Variants in VWA2 observed in about 807,000 individuals in gnomAD.
The protein encoded by VWA2 is von Willebrand factor A domain containing 2, also known as von Willebrand factor A domain-containing protein 2.
VWA2 carries 73 observed loss-of-function variants against 70.4 expected under a neutral mutation model. The observed-to-expected ratio is 1.04, with a 90% CI of 0.86 to 1.26. The LOEUF (loss-of-function observed/expected upper bound fraction) is 1.26. Ranked by LOEUF, VWA2 falls within the 50% of genes most tolerant of loss-of-function variation. The probability of loss-of-function intolerance (pLI) is 0.00; values close to 1 mark genes in which losing one functional copy is unlikely to be tolerated. For synonymous variants in VWA2, 407 were observed against 423.3 expected (o/e 0.96, Z 0.47); for missense variants, 1,011 against 998.5 (o/e 1.01, Z -0.17).
At chr10:114,246,272 G>A (rs146483898) in intron 1 of VWA2, 15 of 681,014 alleles carry the variant, frequency 2.2e-5, no homozygotes, top group Middle Eastern at 4.1e-4. Flanking sequence ...AGGCCGAGGC[G>A]GTCGTATCAC....
intron 6 of VWA2, among the ~76,000 whole-genome samples, chr10:114,273,382 C>A (rs901626109): frequency 6.6e-6 from 1 of 152,188 alleles, no homozygotes; most frequent in Non-Finnish European, 1.5e-5. Context: ...CAGCTCACGT[C>A]TTCAGAGCTC....
chr10:114,242,887 C>T (rs143260167), intron 1 of VWA2, among the ~76,000 whole-genome samples: 1 of 152,314 alleles, frequency 6.6e-6, no homozygotes, highest in African/African-American at 2.4e-5. Flanking sequence ...TACCCTGTCT[C>T]ACTGGATCTT....
In VWA2 at chr10:114,289,077, C is replaced by T. The variant is rs1257139346; in HGVS notation, c.1710C>T (p.Val570=). 17 of 1,614,190 alleles carry T rather than the reference C, an allele frequency of 1.1e-5. No homozygotes were observed. The highest frequency in any genetic ancestry group is 2.7e-5 in the African/African-American group (2 of 75,070). ...AGGTGAACCCTGACGTGACACAGGTCGGCCTGGTGGTGTATGGCAGCCAGG... is the reference window on the plus strand; with the variant it reads ...AGGTGAACCCTGACGTGACACAGGTTGGCCTGGTGGTGTATGGCAGCCAGG... ...QFEVNPDVTQ[V]GLVVYGSQVQ... The change falls in exon 12 of 14, where the codon GTC becomes GTT. Residue 570 remains valine (V), a synonymous_variant. Transcript: ENST00000392982.
intron 5 of VWA2, among the ~76,000 whole-genome samples, chr10:114,271,182 C>T (rs977925233): frequency 2.0e-5 from 3 of 152,124 alleles, no homozygotes; most frequent in African/African-American, 7.2e-5. Context: ...ATTTCACTAT[C>T]TTCCCTCTAG....
chr10:114,275,170 A>G (rs2037804873), intron 6 of VWA2, among the ~76,000 whole-genome samples: 1 of 152,168 alleles, frequency 6.6e-6, no homozygotes, highest in Non-Finnish European at 1.5e-5. Flanking sequence ...AGTGCAGGTC[A>G]GAGAGAGGAA....
At chr10:114,256,930 A>T (rs1040274527) in intron 4 of VWA2, among the ~76,000 whole-genome samples, 5 of 151,550 alleles carry the variant, frequency 3.3e-5, no homozygotes, top group African/African-American at 1.2e-4. Flanking sequence ...AAAAAAAAAA[A>T]AATTAAGAGA....
intron 4 of VWA2, among the ~76,000 whole-genome samples, chr10:114,260,119 A>G (rs900252919): frequency 6.6e-6 from 1 of 152,236 alleles, no homozygotes; most frequent in Non-Finnish European, 1.5e-5. Context: ...TTTTGAGAAT[A>G]GTTACAGAGA....
chr10:114,283,266 C>T (rs1239429338), intron 9 of VWA2, among the ~76,000 whole-genome samples: 2 of 151,810 alleles, frequency 1.3e-5, no homozygotes, highest in African/African-American at 2.4e-5. Context: ...GGCAGGGCAG[C>T]GAGCAGTTAG....
intron 1 of VWA2, among the ~76,000 whole-genome samples, chr10:114,242,686 G>A (rs113806977): frequency 7.0e-6 from 1 of 143,256 alleles, no homozygotes; most frequent in Non-Finnish European, 1.5e-5. Context: ...ACTCTAAGCT[G>A]GGTTTTTCTC....
At chr10:114,288,308 A>G (rs1004755194) in intron 11 of VWA2, among the ~76,000 whole-genome samples, 1 of 152,200 alleles carries the variant, frequency 6.6e-6, no homozygotes, top group African/African-American at 2.4e-5. Context: ...CGCTGCCGAC[A>G]TCATTTGTAA....
Position 114,254,955 on chromosome 10 carries a change from A to C in VWA2, c.168A>C (p.Leu56Phe). Residue 56 changes from leucine (L) to phenylalanine (F), a missense_variant, in exon 4 of 14, where the codon TTA becomes TTC. Physicochemically the swap from Leu to Phe is conservative, Grantham distance 22. Transcript: ENST00000392982. ...CTGCAGTGGACATCATGTTTCTGTT[A>C]GATGGGTCTAACAGCGTCGGGAAAG... ...CSAAVDIMFL[L>F]DGSNSVGKGS... is the part of the protein sequence containing the mutation. 1 of 1,613,468 alleles carries C rather than the reference A, an allele frequency of 6.2e-7. No individual in the cohort carries two copies. Among genetic ancestry groups the C allele is most frequent in the Non-Finnish European group, 8.5e-7 (1 of 1,179,954 alleles).
chr10:114,256,596 A>G (rs980344351), intron 4 of VWA2, among the ~76,000 whole-genome samples: 3 of 152,120 alleles, frequency 2.0e-5, no homozygotes, highest in Non-Finnish European at 4.4e-5. Context: ...AATCACGTGA[A>G]CCTACTCAAA....
At position 114,252,325 on chromosome 10, in the gene VWA2, A is replaced by G. The variant is rs186867868; in HGVS notation, c.53-1326A>G. Among the ~76,000 whole-genome samples the G allele has an allele frequency of 1.8e-3, 274 of 152,268 alleles. 1 individual carries two copies. Among genetic ancestry groups the G allele is most frequent in the African/African-American group, 6.2e-3 (256 of 41,534 alleles). Reference sequence around the variant, plus strand: ...GAGCTGACTGCTGGCACATTGACTTAGAATCTCCATGAGTAGAGATTGAGG... The same window carrying G: ...GAGCTGACTGCTGGCACATTGACTTGGAATCTCCATGAGTAGAGATTGAGG... On this transcript the variant is annotated intron_variant, in intron 2 of 13. Coordinates refer to ENST00000392982, the MANE Select transcript of VWA2 (RefSeq NM_001272046.2).
At chr10:114,249,357 G>A (rs2037146305) in intron 2 of VWA2, among the ~76,000 whole-genome samples, 1 of 152,184 alleles carries the variant, frequency 6.6e-6, no homozygotes, top group South Asian at 2.1e-4. Flanking sequence ...CCCGGTTCAA[G>A]TGATTCTCCA....
intron 5 of VWA2, among the ~76,000 whole-genome samples, chr10:114,262,403 C>CAT (rs1053907506): frequency 3.3e-5 from 5 of 151,800 alleles, no homozygotes; most frequent in African/African-American, 1.2e-4. Context: ...TACATACACA[C>CAT]ATATATATAA....
intron 4 of VWA2, among the ~76,000 whole-genome samples, chr10:114,255,623 A>G (rs1281914961): frequency 6.6e-6 from 1 of 152,232 alleles, no homozygotes; most frequent in Non-Finnish European, 1.5e-5. Context: ...AGTGGACTGA[A>G]TAGCACAGCT....
chr10:114,289,643 A>G, intron 12 of VWA2, 154 bp downstream of exon 12: 1 of 804,582 alleles, frequency 1.2e-6, no homozygotes, highest in Non-Finnish European at 2.0e-6. Flanking sequence ...ATGCTCACAT[A>G]AAATCCTACA....
chr10:114,253,693 A>G lies in VWA2; in HGVS notation c.95A>G (p.Glu32Gly), dbSNP rs756953024. Residue 32 changes from glutamate (E) to glycine (G), a missense_variant, in exon 3 of 14, where the codon GAA becomes GGA. Glu to Gly is a moderately conservative substitution (Grantham distance 98). Coordinates refer to ENST00000392982, the MANE Select transcript of VWA2 (RefSeq NM_001272046.2). ...LPLQEVHVSK[E>G]TIGKISAASK... ...CTCCAGGAAGTCCATGTAAGCAAAGAAACCATCGGGAAGATTTCAGCTGCC... is the reference window on the plus strand; with the variant it reads ...CTCCAGGAAGTCCATGTAAGCAAAGGAACCATCGGGAAGATTTCAGCTGCC... 6.2e-7 allele frequency: 1 copy of G among 1,612,434 alleles called. No individual in the cohort carries two copies. The highest frequency in any genetic ancestry group is 1.1e-5 in the South Asian group (1 of 91,022).
intron 13 of VWA2, 88 bp downstream of exon 13, chr10:114,290,453 C>G (rs1589850488): frequency 1.3e-6 from 2 of 1,508,232 alleles, no homozygotes; most frequent in Non-Finnish European, 1.8e-6. Flanking sequence ...AAGGCAGGTT[C>G]TAAAACATTC....
Sources: gnomAD v4.1 joint callset for allele counts (sites outside exome capture counted in the v4.1 genomes callset) on GRCh38, gnomAD v4.1.1 for gene constraint, MANE v1.5 for transcripts, NCBI Gene and HGNC (gene_info 2026-07-23, HGNC 2026-07-21) for gene names.